Variants in NETO1 observed in about 807,000 individuals in gnomAD.
The protein encoded by NETO1 is neuropilin and tolloid-like protein 1.
In NETO1, 26 loss-of-function variants were observed where a neutral mutation model predicts 61.3. The observed-to-expected ratio is 0.42, with a 90% CI of 0.31 to 0.59. NETO1 has a LOEUF of 0.59. NETO1 is among the 20% of genes least tolerant of loss of function. The pLI is 0.12. For synonymous variants in NETO1, 225 were observed against 225.8 expected (o/e 1.00, Z 0.03); for missense variants, 531 against 662.8 (o/e 0.80, Z 2.18).
At position 72,830,973 on chromosome 18, in the gene NETO1, G is replaced by A. The variant is rs1239188834; in HGVS notation, c.469+27853C>T. 6.6e-6 allele frequency among the ~76,000 whole-genome samples: 1 copy of A among 152,018 alleles called. No individual in the cohort carries two copies. The highest frequency in any genetic ancestry group is 1.5e-5 in the Non-Finnish European group (1 of 68,016). ...CTGACTGCAAAATCTTCTTGATGAG[G>A]TATACTATTACCTCATCAAGGTAAC... On this transcript the variant is annotated intron_variant, in intron 4 of 10. Coordinates refer to ENST00000327305, the MANE Select transcript of NETO1 (RefSeq NM_138966.5). The surrounding 1 kb of genome is among the most constrained non-coding windows in gnomAD (Gnocchi z 4.9).
At chr18:72,862,528 A>G (rs1344925335) in intron 3 of NETO1, among the ~76,000 whole-genome samples, 1 of 151,934 alleles carries the variant, frequency 6.6e-6, no homozygotes, top group Non-Finnish European at 1.5e-5. Flanking sequence ...AATTCCGTCT[A>G]TCTAACAAGT....
Position 72,743,848 on chromosome 18 carries a change from A to G in NETO1, c.*4331T>C, listed in dbSNP as rs573119190. On this transcript the variant is annotated 3_prime_UTR_variant, in exon 11 of 11. Coordinates refer to ENST00000327305, the MANE Select transcript of NETO1 (RefSeq NM_138966.5). ...TTTGTGTCAGTATCTGTGACTATTAAGAGAGGGCACAAAAACAATTTTTCA... is the reference window on the plus strand; with the variant it reads ...TTTGTGTCAGTATCTGTGACTATTAGGAGAGGGCACAAAAACAATTTTTCA... The G allele has an allele frequency of 1.3e-5, 2 of 152,202 alleles. No homozygotes were observed. The highest frequency in any genetic ancestry group is 3.9e-4 in the East Asian group (2 of 5,194). 9.4% of individuals were successfully genotyped at this position (152,202 alleles called of 1,614,324 possible).
At chr18:72,842,577 T>C (rs185815975) in intron 4 of NETO1, among the ~76,000 whole-genome samples, 2 of 152,252 alleles carry the variant, frequency 1.3e-5, no homozygotes, top group Admixed American at 6.5e-5. Context: ...CAAAGATAAA[T>C]TCTAGAATCA....
chr18:72,786,230 T>C (rs1042980076), intron 6 of NETO1, among the ~76,000 whole-genome samples: 4 of 152,202 alleles, frequency 2.6e-5, no homozygotes, highest in African/African-American at 9.6e-5. Flanking sequence ...GTGGAAATTA[T>C]ATGCAATAAT....
At chr18:72,760,628 C>T (rs571325411) in intron 7 of NETO1, among the ~76,000 whole-genome samples, 4 of 152,304 alleles carry the variant, frequency 2.6e-5, no homozygotes, top group African/African-American at 9.6e-5. Flanking sequence ...TGCCCTTGAG[C>T]TGATTAACCT....
intron 4 of NETO1, among the ~76,000 whole-genome samples, chr18:72,854,057 A>T (rs1363792531): frequency 6.6e-6 from 1 of 152,178 alleles, no homozygotes; most frequent in Non-Finnish European, 1.5e-5. Context: ...TATTTCATTT[A>T]ATATGCATAG....
intron 3 of NETO1, among the ~76,000 whole-genome samples, chr18:72,861,866 T>C (rs1272556606): frequency 6.6e-6 from 1 of 152,112 alleles, no homozygotes; most frequent in Non-Finnish European, 1.5e-5. Context: ...CCAATGGGAG[T>C]GCTCATCGTT....
intron 1 of NETO1, chr18:72,866,842 C>A (rs2074749537): frequency 2.0e-6 from 2 of 996,902 alleles, no homozygotes; most frequent in South Asian, 4.7e-5. Context: ...CTTCTGCTAC[C>A]TCCTGTACTG....
chr18:72,853,533 G>A (rs1043785660), intron 4 of NETO1, among the ~76,000 whole-genome samples: 1 of 152,148 alleles, frequency 6.6e-6, no homozygotes, highest in African/African-American at 2.4e-5. Flanking sequence ...TGAGGTGGGC[G>A]GATCACTTGA....
chr18:72,750,574 C>T lies in NETO1; in HGVS notation c.1029G>A (p.Gly343=), dbSNP rs745836992. 2.1e-5 allele frequency: 34 copies of T among 1,611,694 alleles called. No individual in the cohort carries two copies. In the South Asian group the frequency reaches 3.6e-4, roughly 17 times the overall value. The change falls in exon 9 of 11, where the codon GGG becomes GGA. Residue 343 remains glycine, a synonymous_variant. Transcript: ENST00000327305. ...TGCAGGAAGTCACGCCAATGACAGT[C>T]CCACTGGTGTTGGTCAGCTGGTCCA... ...SLLDQLTNTS[G]TVIGVTSCIV... is the part of the protein sequence containing the mutation.
chr18:72,827,734 A>AG lies in NETO1; in HGVS notation c.469+31091_469+31092insC, dbSNP rs1555694564. On this transcript the variant is annotated intron_variant, in intron 4 of 10. Coordinates refer to ENST00000327305, the MANE Select transcript of NETO1 (RefSeq NM_138966.5). ...CCTGTCTCAAAAAAAAAAAAAAAAA[A>AG]AAAGAAAGGGGAAAAAAGGATTACA... Among the ~76,000 whole-genome samples the AG allele has an allele frequency of 1.5e-3, 221 of 151,868 alleles. 2 individuals carry two copies. The highest frequency in any genetic ancestry group is 4.9e-3 in the African/African-American group (201 of 41,400).
At chr18:72,843,858 T>C (rs1188348425) in intron 4 of NETO1, among the ~76,000 whole-genome samples, 1 of 152,176 alleles carries the variant, frequency 6.6e-6, no homozygotes, top group Non-Finnish European at 1.5e-5. Flanking sequence ...CTGAATAAAA[T>C]GTAAAATTCC....
In NETO1 at chr18:72,821,812, A is replaced by G. The variant is rs144702036; in HGVS notation, c.470-27408T>C. Among the ~76,000 whole-genome samples, 425 of 152,318 alleles carry G rather than the reference A, an allele frequency of 2.8e-3. 4 individuals are homozygous for G. The highest frequency in any genetic ancestry group is 6.8e-3 in the Middle Eastern group (2 of 294). On this transcript the variant is annotated intron_variant, in intron 4 of 10. Coordinates refer to ENST00000327305, the MANE Select transcript of NETO1 (RefSeq NM_138966.5). Reference sequence around the variant, plus strand: ...GTATGAATACAGGTAATCTTATCCTAAGGGCCATAATCTGACCTATTAAAA... The same window carrying G: ...GTATGAATACAGGTAATCTTATCCTGAGGGCCATAATCTGACCTATTAAAA...
At chr18:72,848,279 A>G (rs1568257839) in intron 4 of NETO1, among the ~76,000 whole-genome samples, 1 of 152,170 alleles carries the variant, frequency 6.6e-6, no homozygotes, top group Non-Finnish European at 1.5e-5. Flanking sequence ...CAAGATTCAT[A>G]TCAACCCCAC....
At chr18:72,842,776 C>T (rs2073974302) in intron 4 of NETO1, among the ~76,000 whole-genome samples, 1 of 152,032 alleles carries the variant, frequency 6.6e-6, no homozygotes, top group Non-Finnish European at 1.5e-5. Context: ...CTTTTAATCC[C>T]AAATAAGGAT....
chr18:72,776,369 C>G (rs1338836875), intron 7 of NETO1, among the ~76,000 whole-genome samples: 1 of 152,174 alleles, frequency 6.6e-6, no homozygotes, highest in East Asian at 1.9e-4. Context: ...ACAAGGTTAC[C>G]CCTCTCAATA....
In NETO1 at chr18:72,744,268, A is replaced by G. The variant is rs1009941024; in HGVS notation, c.*3911T>C. 2 of 152,218 alleles carry G rather than the reference A, an allele frequency of 1.3e-5. No individual in the cohort carries two copies. Among genetic ancestry groups the G allele is most frequent in the African/African-American group, 4.8e-5 (2 of 41,454 alleles). The allele number at this position is 152,218 out of a possible 1,614,324, so 9.4% of individuals were successfully genotyped here. A position where few individuals can be genotyped will look rare whatever the true frequency, so the allele number is the denominator to read the frequency against. ...GATACAATTCAGTTAAATTTGTGGT[A>G]CAATTCAAACAAGTTTATTAATAAA... is the stretch of plus-strand genomic sequence containing the variant. On this transcript the variant is annotated 3_prime_UTR_variant, in exon 11 of 11. Transcript: ENST00000327305.
chr18:72,839,937 A>G (rs1313471909), intron 4 of NETO1, among the ~76,000 whole-genome samples: 2 of 152,236 alleles, frequency 1.3e-5, no homozygotes, highest in African/African-American at 4.8e-5. Flanking sequence ...TAGGTACTCA[A>G]TGAACATCCA....
chr18:72,804,846 C>T (rs2072622846), intron 4 of NETO1, among the ~76,000 whole-genome samples: 2 of 152,150 alleles, frequency 1.3e-5, no homozygotes, highest in African/African-American at 4.8e-5. Flanking sequence ...CCCAAATTTC[C>T]ACAATCTCAG....
Sources: gnomAD v4.1 joint callset for allele counts (sites outside exome capture counted in the v4.1 genomes callset) on GRCh38, gnomAD v4.1.1 for gene constraint, Gnocchi (gnomAD v3.1) non-coding constraint, MANE v1.5 for transcripts, NCBI Gene and HGNC (gene_info 2026-07-23, HGNC 2026-07-21) for gene names.